VAV3: variants seen among roughly 807,000 people sequenced by gnomAD.
VAV3 encodes guanine nucleotide exchange factor VAV3.
A neutral mutation model predicts 131.2 loss-of-function variants in VAV3; 94 were observed. The ratio of observed to expected loss-of-function variants is 0.72; its 90% CI spans 0.61 to 0.85. The LOEUF is 0.85. Among genes scored for constraint, VAV3 ranks in the 40% least tolerant of loss-of-function variants. The pLI, the probability that VAV3 is intolerant of heterozygous loss-of-function variation, is 0.00. For missense variants in VAV3, 939 were observed against 1,002.7 expected (o/e 0.94, Z 0.86); for synonymous variants, 349 against 342.0 (o/e 1.02, Z -0.22).
chr1:107,591,082 A>C (rs1435686149), intron 25 of VAV3, among the ~76,000 whole-genome samples: 2 of 152,054 alleles, frequency 1.3e-5, no homozygotes, highest in Admixed American at 1.3e-4. Flanking sequence ...ATGCTTATGA[A>C]CCTTCACACA....
At chr1:107,851,396 G>GAAAAAAAAAAA (rs74262709) in intron 2 of VAV3, among the ~76,000 whole-genome samples, 1 of 74,978 alleles carries the variant, frequency 1.3e-5, no homozygotes, top group African/African-American at 5.1e-5. Context: ...AAAACACTCA[G>GAAAAAAAAAAA]AAAAAAAAAA....
chr1:107,577,433 C>A (rs1649736997), intron 25 of VAV3, among the ~76,000 whole-genome samples: 3 of 152,222 alleles, frequency 2.0e-5, no homozygotes, highest in Non-Finnish European at 2.9e-5. Flanking sequence ...AGTATTTATT[C>A]TCCCCTTCTT....
At chr1:107,664,693 G>A (rs750932951) in intron 19 of VAV3, among the ~76,000 whole-genome samples, 2 of 152,070 alleles carry the variant, frequency 1.3e-5, no homozygotes, top group Non-Finnish European at 2.9e-5. Flanking sequence ...AAGTAGATGT[G>A]CACCCAGACC....
chr1:107,675,774 T>C (rs1436565610), intron 19 of VAV3, among the ~76,000 whole-genome samples: 1 of 152,132 alleles, frequency 6.6e-6, no homozygotes, highest in African/African-American at 2.4e-5. Flanking sequence ...AACATGTCAG[T>C]AGATAACAGT....
intron 20 of VAV3, among the ~76,000 whole-genome samples, chr1:107,635,291 T>TA (rs937616370): frequency 1.3e-5 from 2 of 151,910 alleles, no homozygotes; most frequent in Non-Finnish European, 1.5e-5. Flanking sequence ...TATGCAGCCA[T>TA]AAAAAATGAT....
chr1:107,817,718 C>T (rs1015594618), intron 2 of VAV3, among the ~76,000 whole-genome samples: 1 of 151,968 alleles, frequency 6.6e-6, no homozygotes, highest in African/African-American at 2.4e-5. Context: ...ATGTGGCTGG[C>T]AGAGCATGAG....
intron 1 of VAV3, among the ~76,000 whole-genome samples, chr1:107,962,128 A>T (rs1293021282): frequency 6.6e-6 from 1 of 152,268 alleles, no homozygotes; most frequent in Admixed American, 6.5e-5. Flanking sequence ...TGCTATAAAA[A>T]ATAGTCTATT....
At chr1:107,908,474 C>G (rs1384696381) in intron 1 of VAV3, among the ~76,000 whole-genome samples, 1 of 152,050 alleles carries the variant, frequency 6.6e-6, no homozygotes. Flanking sequence ...CCTGTTTTAG[C>G]TTAAAAAAGA....
At chr1:107,717,661 T>C (rs1280082062) in intron 15 of VAV3, among the ~76,000 whole-genome samples, 1 of 152,206 alleles carries the variant, frequency 6.6e-6, no homozygotes, top group African/African-American at 2.4e-5. Flanking sequence ...CTTCCAACAA[T>C]GTGGTCAATT....
intron 2 of VAV3, among the ~76,000 whole-genome samples, chr1:107,867,919 C>A (rs1296264747): frequency 2.0e-5 from 3 of 152,174 alleles, no homozygotes; most frequent in Non-Finnish European, 4.4e-5. Context: ...GAAAAGAATT[C>A]ATCACAAAGT....
intron 2 of VAV3, among the ~76,000 whole-genome samples, chr1:107,835,039 A>T (rs1668410365): frequency 6.6e-6 from 1 of 152,096 alleles, no homozygotes; most frequent in South Asian, 2.1e-4. Context: ...TCTAATAAGC[A>T]CCCATCATTC....
intron 2 of VAV3, among the ~76,000 whole-genome samples, chr1:107,780,061 G>A (rs998397432): frequency 6.6e-5 from 10 of 152,082 alleles, no homozygotes; most frequent in Non-Finnish European, 1.3e-4. Context: ...GACTGTGGGC[G>A]GGCTCTTGGG....
intron 1 of VAV3, among the ~76,000 whole-genome samples, chr1:107,904,219 G>A (rs61056304): frequency 0.03 from 4,587 of 152,098 alleles, 225 homozygotes; most frequent in African/African-American, 0.11. Context: ...TTCCTCAATT[G>A]AGTTAAAATG....
rs186528524 is a variant in VAV3, at chr1:107,793,880, T to C, written c.322-14388A>G. 1.6e-3 allele frequency among the ~76,000 whole-genome samples: 251 copies of C among 152,268 alleles called. 2 individuals carry two copies. Among genetic ancestry groups the C allele is most frequent in the African/African-American group, 4.6e-3 (191 of 41,560 alleles). Reference sequence around the variant, plus strand: ...ATTAGGGAGTAAATCTGGGAGATAGTAAAGGAAGCAGATAGGACAAGCATT... The same window carrying C: ...ATTAGGGAGTAAATCTGGGAGATAGCAAAGGAAGCAGATAGGACAAGCATT... On this transcript the variant is annotated intron_variant, in intron 2 of 26. Coordinates refer to ENST00000370056, the MANE Select transcript of VAV3 (RefSeq NM_006113.5).
chr1:107,842,637 T>C lies in VAV3; in HGVS notation c.321+32264A>G, dbSNP rs536764833. ...GTATGAGAGATAGCTCAATGAGATT[T>C]CATTCTTCTTTTTTTTAAAACTTAG... is the stretch of plus-strand genomic sequence containing the variant. On this transcript the variant is annotated intron_variant, in intron 2 of 26. Transcript: ENST00000370056. Among the ~76,000 whole-genome samples the C allele has an allele frequency of 3.3e-5, 5 of 152,330 alleles. No homozygotes were observed. The South Asian group carries it at 1.0e-3, about 32-fold the overall frequency.
chr1:107,579,699 T>C (rs1345375870), intron 25 of VAV3, among the ~76,000 whole-genome samples: 1 of 152,230 alleles, frequency 6.6e-6, no homozygotes, highest in Non-Finnish European at 1.5e-5. Flanking sequence ...TCACCTTTGA[T>C]GTAAAGTCTA....
At chr1:107,781,513 T>C (rs1665687562) in intron 2 of VAV3, among the ~76,000 whole-genome samples, 1 of 152,160 alleles carries the variant, frequency 6.6e-6, no homozygotes, top group Non-Finnish European at 1.5e-5. Context: ...GATCAATACA[T>C]ATAATTTTTA....
chr1:107,626,383 A>G (rs1570637813), intron 20 of VAV3, among the ~76,000 whole-genome samples: 1 of 152,190 alleles, frequency 6.6e-6, no homozygotes, highest in East Asian at 1.9e-4. Flanking sequence ...GCAGTCACAT[A>G]CTGCCTTTTT....
At chr1:107,935,459 C>G (rs72985406) in intron 1 of VAV3, among the ~76,000 whole-genome samples, 1 of 152,076 alleles carries the variant, frequency 6.6e-6, no homozygotes, top group Non-Finnish European at 1.5e-5. Flanking sequence ...TACAGTGTTA[C>G]GAGCACTGAA....
Sources: allele counts gnomAD v4.1 joint callset (sites outside exome capture counted in the v4.1 genomes callset), GRCh38; gene constraint gnomAD v4.1.1; transcripts MANE v1.5; gene names NCBI Gene and HGNC (gene_info 2026-07-23, HGNC 2026-07-21).